The following CDC73 variants were observed in gnomAD, a reference collection of about 807,000 sequenced individuals.
The protein encoded by CDC73 is parafibromin.
In CDC73, 21 loss-of-function variants were observed where a neutral mutation model predicts 83.7. That is an observed-to-expected ratio of 0.25 (90% CI 0.18 to 0.36). The LOEUF (loss-of-function observed/expected upper bound fraction) is 0.36, where lower values mean the gene tolerates loss of function less well. Among genes scored for constraint, CDC73 ranks in the 10% least tolerant of loss-of-function variants. CDC73 has a pLI of 1.00. For missense variants in CDC73, 342 were observed against 653.3 expected (o/e 0.52, Z 5.19); for synonymous variants, 224 against 212.9 (o/e 1.05, Z -0.45).
intron 7 of CDC73, among the ~76,000 whole-genome samples, chr1:193,146,789 G>A (rs1340254254): frequency 6.6e-6 from 1 of 152,196 alleles, no homozygotes; most frequent in Non-Finnish European, 1.5e-5. Context: ...TGATCAGCAT[G>A]TAATTGCATT....
chr1:193,163,716 T>G (rs756993459), intron 10 of CDC73, among the ~76,000 whole-genome samples: 2 of 152,156 alleles, frequency 1.3e-5, no homozygotes, highest in Non-Finnish European at 2.9e-5. Flanking sequence ...TCATTAATAT[T>G]TTTGAAAAGT....
intron 15 of CDC73, among the ~76,000 whole-genome samples, chr1:193,241,054 CT>C (rs1050706570): frequency 2.0e-5 from 3 of 151,782 alleles, no homozygotes; most frequent in Non-Finnish European, 2.9e-5. Context: ...TTCTGTTTTT[CT>C]TTTTTTTGGA....
chr1:193,245,276 C>T (rs768440355), intron 15 of CDC73, among the ~76,000 whole-genome samples: 3 of 152,134 alleles, frequency 2.0e-5, no homozygotes, highest in East Asian at 1.9e-4. Flanking sequence ...ATTCCCCCTA[C>T]CCCCTACTCT....
intron 10 of CDC73, among the ~76,000 whole-genome samples, chr1:193,178,164 A>G (rs1331265324): frequency 6.6e-6 from 1 of 152,164 alleles, no homozygotes; most frequent in Non-Finnish European, 1.5e-5. Flanking sequence ...GTAAATTAAT[A>G]GAATATTTAT....
chr1:193,122,241 A>G lies in CDC73; in HGVS notation c.41A>G (p.Gln14Arg), dbSNP rs767638609. ...AGCGTCCTGCGACAGTACAACATCC[A>G]GAAGAAGGAGATTGTGGTGAAGGGA... ...VLSVLRQYNI[Q>R]KKEIVVKGDE... Residue 14 changes from glutamine to arginine, a missense_variant, in exon 1 of 17, where the codon CAG becomes CGG. By Grantham distance (43) the Gln-to-Arg change is conservative. Around this residue, in one of 3 missense-constraint regions of CDC73, gnomAD observed 99 missense variants for 174.5 expected, o/e 0.57. Coordinates refer to ENST00000367435, the MANE Select transcript of CDC73 (RefSeq NM_024529.5). 5.0e-6 allele frequency: 8 copies of G among 1,614,178 alleles called. No individual in the cohort carries two copies. The highest frequency in any genetic ancestry group is 2.2e-5 in the East Asian group (1 of 44,866).
At chr1:193,150,024 C>G (rs540949369) in intron 8 of CDC73, among the ~76,000 whole-genome samples, 9 of 152,058 alleles carry the variant, frequency 5.9e-5, no homozygotes, top group African/African-American at 1.9e-4. Flanking sequence ...TGCCTGTAAT[C>G]TTAGCACTTT....
intron 13 of CDC73, among the ~76,000 whole-genome samples, chr1:193,224,238 C>T (rs1677521926): frequency 6.6e-6 from 1 of 151,666 alleles, no homozygotes; most frequent in South Asian, 2.1e-4. Flanking sequence ...ATTATTGTTG[C>T]AGTTACTTAG....
chr1:193,223,244 AT>A (rs1677504624), intron 13 of CDC73, among the ~76,000 whole-genome samples: 1 of 141,166 alleles, frequency 7.1e-6, no homozygotes, highest in African/African-American at 2.6e-5. Flanking sequence ...TTTTTTTTTT[AT>A]TTTGTTAATT....
intron 10 of CDC73, among the ~76,000 whole-genome samples, chr1:193,182,364 A>G (rs1278015822): frequency 2.0e-5 from 3 of 152,198 alleles, no homozygotes; most frequent in South Asian, 4.1e-4. Flanking sequence ...TGAAGTATTC[A>G]TGATATAATT....
At chr1:193,131,194 C>T (rs1403818475) in intron 3 of CDC73, among the ~76,000 whole-genome samples, 1 of 151,942 alleles carries the variant, frequency 6.6e-6, no homozygotes, top group East Asian at 1.9e-4. Context: ...TGCCTGATTC[C>T]CTCTTTCCCT....
At chr1:193,131,343 A>G (rs1190761535) in intron 3 of CDC73, among the ~76,000 whole-genome samples, 2 of 152,212 alleles carry the variant, frequency 1.3e-5, no homozygotes, top group Admixed American at 6.5e-5. Context: ...CATCCATTCT[A>G]TCAACAAGTT....
chr1:193,239,452 AT>A (rs1166047861), intron 15 of CDC73, among the ~76,000 whole-genome samples: 2 of 152,202 alleles, frequency 1.3e-5, no homozygotes, highest in Non-Finnish European at 2.9e-5. Context: ...TTATAATGAA[AT>A]ACATCGTTTG....
At chr1:193,135,296 G>C in intron 3 of CDC73, 95 bp from the exon 4 acceptor site, 1 of 983,760 alleles carries the variant, frequency 1.0e-6, no homozygotes, top group Non-Finnish European at 1.6e-6. Context: ...TCACCATATA[G>C]AAGTATATAA....
At chr1:193,132,999 G>A (rs950613152) in intron 3 of CDC73, among the ~76,000 whole-genome samples, 1 of 150,384 alleles carries the variant, frequency 6.6e-6, no homozygotes, top group African/African-American at 2.4e-5. Flanking sequence ...CCTCCCGGGT[G>A]CATGCCATTC....
At chr1:193,135,046 G>A (rs1675766044) in intron 3 of CDC73, among the ~76,000 whole-genome samples, 1 of 73,590 alleles carries the variant, frequency 1.4e-5, no homozygotes, top group African/African-American at 2.9e-5. Context: ...ATATATGTGT[G>A]TGTATGTGTG....
At chr1:193,234,187 A>T (rs1461155266) in intron 14 of CDC73, among the ~76,000 whole-genome samples, 1,385 of 38,822 alleles carry the variant, frequency 0.036, 18 homozygotes, top group African/African-American at 0.071. Flanking sequence ...ACACACACAC[A>T]CACACACACA....
At chr1:193,237,597 G>C (rs929418968) in intron 15 of CDC73, among the ~76,000 whole-genome samples, 4 of 152,152 alleles carry the variant, frequency 2.6e-5, no homozygotes, top group African/African-American at 7.2e-5. Flanking sequence ...TCGGGAGGTA[G>C]GGGTGGCGGG....
At chr1:193,131,899 C>T (rs996866018) in intron 3 of CDC73, among the ~76,000 whole-genome samples, 3 of 152,170 alleles carry the variant, frequency 2.0e-5, no homozygotes, top group Non-Finnish European at 4.4e-5. Context: ...ATTTATTTTT[C>T]ACCAGATCTC....
At chr1:193,162,295 T>A (rs537571978) in intron 10 of CDC73, among the ~76,000 whole-genome samples, 188 of 122,448 alleles carry the variant, frequency 1.5e-3, no homozygotes, top group South Asian at 4.4e-3. Context: ...TATGATATAT[T>A]ATATATACTA....
Sources: allele counts gnomAD v4.1 joint callset (sites outside exome capture counted in the v4.1 genomes callset), GRCh38; gene constraint gnomAD v4.1.1; regional missense constraint gnomAD v4.1.1; transcripts MANE v1.5; gene names NCBI Gene and HGNC (gene_info 2026-07-23, HGNC 2026-07-21).